KCNH8: variants seen among roughly 807,000 people sequenced by gnomAD.
KCNH8 encodes potassium voltage-gated channel subfamily H member 8.
In KCNH8, 70 loss-of-function variants were observed where a neutral mutation model predicts 103.6. The observed-to-expected ratio is 0.68, with a 90% CI of 0.56 to 0.82. The LOEUF is 0.82. KCNH8 is among the 40% of genes least tolerant of loss of function. The pLI, the probability that KCNH8 is intolerant of heterozygous loss-of-function variation, is 0.00. For missense variants in KCNH8, 1,217 were observed against 1,329.9 expected, an observed-to-expected ratio of 0.92 and a Z score of 1.32; for synonymous variants, 498 against 489.4, an observed-to-expected ratio of 1.02 and a Z score of -0.23.
intron 3 of KCNH8, among the ~76,000 whole-genome samples, chr3:19,281,831 A>G (rs1575492741): frequency 6.6e-6 from 1 of 152,116 alleles, no homozygotes; most frequent in African/African-American, 2.4e-5. Flanking sequence ...ATATAAGAAT[A>G]TAATACTTGG....
intron 11 of KCNH8, among the ~76,000 whole-genome samples, chr3:19,505,045 T>C (rs1236260418): frequency 1.3e-5 from 2 of 150,484 alleles, no homozygotes; most frequent in Non-Finnish European, 2.9e-5. Flanking sequence ...ATATACACTA[T>C]ATATATACAC....
intron 7 of KCNH8, among the ~76,000 whole-genome samples, chr3:19,423,583 G>A (rs2066982310): frequency 6.6e-6 from 1 of 151,882 alleles, no homozygotes. Context: ...ATTCCATCCA[G>A]GTTGCTGCAA....
At chr3:19,488,057 G>A (rs555621192) in intron 11 of KCNH8, among the ~76,000 whole-genome samples, 1 of 152,248 alleles carries the variant, frequency 6.6e-6, no homozygotes, top group African/African-American at 2.4e-5. Context: ...AGGCTCCTTG[G>A]GGGCGCTTCA....
rs1028676454 is a variant in KCNH8, at chr3:19,488,121, C to T, written c.2041-22242C>T. On this transcript the variant is annotated intron_variant, in intron 11 of 15. Coordinates refer to ENST00000328405, the MANE Select transcript of KCNH8 (RefSeq NM_144633.3). ...TCAGCCAGATTGAACAAAGCTCTCT[C>T]ATCTTTATCTAAGGTCTTTTGTTCT... 3.3e-5 allele frequency among the ~76,000 whole-genome samples: 5 copies of T among 152,200 alleles called. No homozygotes were observed. The South Asian group carries it at 8.3e-4, about 25-fold the overall frequency.
intron 7 of KCNH8, among the ~76,000 whole-genome samples, chr3:19,414,279 T>C (rs1462552256): frequency 6.6e-6 from 1 of 152,084 alleles, no homozygotes; most frequent in Non-Finnish European, 1.5e-5. Flanking sequence ...AATGTTAAAG[T>C]GTCAATATTT....
intron 11 of KCNH8, among the ~76,000 whole-genome samples, chr3:19,460,209 C>G (rs1005784630): frequency 4.6e-5 from 7 of 152,060 alleles, no homozygotes; most frequent in African/African-American, 1.2e-4. Flanking sequence ...ATCCTGAGGT[C>G]TAGCCTTTAT....
At chr3:19,502,804 G>C (rs1275109689) in intron 11 of KCNH8, among the ~76,000 whole-genome samples, 1 of 149,114 alleles carries the variant, frequency 6.7e-6, no homozygotes, top group African/African-American at 2.5e-5. Flanking sequence ...TTAAACGTTA[G>C]ACCTAAAACC....
chr3:19,251,669 T>C (rs886988909), intron 1 of KCNH8, among the ~76,000 whole-genome samples: 33 of 152,250 alleles, frequency 2.2e-4, no homozygotes, highest in African/African-American at 7.5e-4. Context: ...GGAAAGATAG[T>C]CTGTCTGCTG....
rs188559670 is a variant in KCNH8 at position 19,269,760 on chromosome 3, T to A, written c.311-11438T>A. 2.9e-4 allele frequency among the ~76,000 whole-genome samples: 44 copies of A among 152,254 alleles called. No individual in the cohort carries two copies. In the East Asian group the frequency reaches 8.3e-3, roughly 29 times the overall value. ...CCCAAAGCAGCTTCCGCTCATGGAT[T>A]TCAAAGTAAAAGCCTTATCAGAGAT... On this transcript the variant is annotated intron_variant, in intron 2 of 15. Coordinates refer to ENST00000328405, the MANE Select transcript of KCNH8 (RefSeq NM_144633.3).
At chr3:19,309,124 G>T (rs2065177842) in intron 3 of KCNH8, among the ~76,000 whole-genome samples, 1 of 151,884 alleles carries the variant, frequency 6.6e-6, no homozygotes, top group South Asian at 2.1e-4. Context: ...AGCATGCTTG[G>T]TTGACTTTTG....
chr3:19,381,502 AT>A (rs1199980988), intron 5 of KCNH8, among the ~76,000 whole-genome samples: 2 of 152,184 alleles, frequency 1.3e-5, no homozygotes, highest in African/African-American at 4.8e-5. Context: ...ACATGACACA[AT>A]TTATGTGAAA....
intron 1 of KCNH8, among the ~76,000 whole-genome samples, chr3:19,208,906 G>A (rs2063742414): frequency 6.6e-6 from 1 of 151,950 alleles, no homozygotes; most frequent in Admixed American, 6.6e-5. Context: ...ATCAAGAGAT[G>A]TCAGGTCTTT....
intron 11 of KCNH8, among the ~76,000 whole-genome samples, chr3:19,509,605 TAAGTG>T (rs2068749720): frequency 6.6e-6 from 1 of 152,196 alleles, no homozygotes; most frequent in South Asian, 2.1e-4. Context: ...GATTCAAGCC[TAAGTG>T]AATAAGATAT....
At chr3:19,411,291 A>C (rs1211244261) in intron 7 of KCNH8, among the ~76,000 whole-genome samples, 1 of 152,090 alleles carries the variant, frequency 6.6e-6, no homozygotes, top group Non-Finnish European at 1.5e-5. Flanking sequence ...TAGACACAGA[A>C]AAAGATTTTG....
chr3:19,312,924 C>T (rs1433691150), intron 3 of KCNH8, among the ~76,000 whole-genome samples: 1 of 151,924 alleles, frequency 6.6e-6, no homozygotes, highest in Non-Finnish European at 1.5e-5. Context: ...AAAAGGATGA[C>T]TTCGTGTTGT....
chr3:19,261,750 GT>G (rs947717653), intron 2 of KCNH8, among the ~76,000 whole-genome samples: 2 of 151,246 alleles, frequency 1.3e-5, no homozygotes, highest in African/African-American at 2.4e-5. Context: ...TTATATTTAG[GT>G]TTTTTTTATT....
intron 2 of KCNH8, among the ~76,000 whole-genome samples, chr3:19,277,649 T>G (rs548668903): frequency 6.6e-6 from 1 of 152,260 alleles, no homozygotes; most frequent in Non-Finnish European, 1.5e-5. Context: ...TCCTGCATCC[T>G]TGTTTCCCAA....
chr3:19,161,776 T>A (rs2063236787), intron 1 of KCNH8, among the ~76,000 whole-genome samples: 1 of 152,200 alleles, frequency 6.6e-6, no homozygotes, highest in Non-Finnish European at 1.5e-5. Flanking sequence ...GTATGAAGCA[T>A]AAATGTTCTT....
At chr3:19,349,736 GTTTA>G (rs746247561) in intron 5 of KCNH8, among the ~76,000 whole-genome samples, 1 of 151,992 alleles carries the variant, frequency 6.6e-6, no homozygotes, top group Non-Finnish European at 1.5e-5. Context: ...AAAAGTTTTT[GTTTA>G]TTTGTTTTAA....
Sources: allele counts gnomAD v4.1 joint callset (sites outside exome capture counted in the v4.1 genomes callset), GRCh38; gene constraint gnomAD v4.1.1; transcripts MANE v1.5; gene names NCBI Gene and HGNC (gene_info 2026-07-23, HGNC 2026-07-21).